The following ZFR2 variants were observed in gnomAD, a reference collection of about 807,000 sequenced individuals.
ZFR2 encodes the protein zinc finger RNA binding protein 2, also known as zinc finger RNA-binding protein 2.
Under a neutral mutation model 105.7 loss-of-function variants are expected in ZFR2, and 104 were observed. The ratio of observed to expected loss-of-function variants is 0.98; its 90% CI spans 0.84 to 1.16. ZFR2 has a LOEUF of 1.16. Among genes scored for constraint, ZFR2 ranks in the 50% most tolerant of loss-of-function variants. ZFR2 has a pLI of 0.00. For synonymous variants in ZFR2, 634 were observed against 597.7 expected (o/e 1.06, Z -0.89); for missense variants, 1,425 against 1,355.5 (o/e 1.05, Z -0.80).
chr19:3,824,773 C>T (rs779877356), intron 7 of ZFR2, among the ~76,000 whole-genome samples: 3 of 152,026 alleles, frequency 2.0e-5, no homozygotes, highest in African/African-American at 4.8e-5. Flanking sequence ...CCTGTCTCTA[C>T]GAAAAATACA....
intron 1 of ZFR2, among the ~76,000 whole-genome samples, chr19:3,841,418 C>G (rs1352650277): frequency 6.6e-6 from 1 of 152,272 alleles, no homozygotes; most frequent in East Asian, 1.9e-4. Context: ...GGTGCGGTGG[C>G]TCACCCCTGT....
chr19:3,852,497 G>T (rs797009121), intron 1 of ZFR2: 2 of 718,500 alleles, frequency 2.8e-6, no homozygotes, highest in African/African-American at 1.7e-5. Flanking sequence ...TGCAGGCAAG[G>T]CCTCTTAAGC....
chr19:3,810,677 G>A (rs1425585797), intron 16 of ZFR2, 73 bp downstream of exon 16: 1 of 1,398,246 alleles, frequency 7.2e-7, no homozygotes, highest in Non-Finnish European at 9.7e-7. Flanking sequence ...CTGTCTCTCA[G>A]CCTGGGCCTG....
chr19:3,827,647 G>T lies in ZFR2; in HGVS notation c.859C>A (p.Arg287=), dbSNP rs761009407. The T allele has an allele frequency of 2.5e-6, 4 of 1,578,224 alleles. No individual in the cohort carries two copies. Among genetic ancestry groups the T allele is most frequent in the Non-Finnish European group, 3.4e-6 (4 of 1,162,436 alleles). The change falls in exon 6 of 19, where the codon CGG becomes AGG. Residue 287 remains arginine, a synonymous_variant. Transcript: ENST00000262961. The stretch of plus-strand genomic sequence containing the variant: ...TGCTTCTGCCCTCCCAGATGTTCCC[G>T]GTAGGTCTGCGGCAAGGGGTGAGAG... ...KISCAGPQTY[R]EHLGGQKHRK... is the part of the protein sequence containing the mutation.
chr19:3,868,899 T>C (rs2038466713), intron 1 of ZFR2, 66 bp downstream of exon 1: 1 of 1,185,358 alleles, frequency 8.4e-7, no homozygotes, highest in Non-Finnish European at 1.1e-6. Flanking sequence ...GGAGAAGGGG[T>C]AGGCGGGGTC....
chr19:3,857,976 G>A (rs370863509), intron 1 of ZFR2, among the ~76,000 whole-genome samples: 2 of 152,132 alleles, frequency 1.3e-5, no homozygotes, highest in East Asian at 1.9e-4. Context: ...AGTCCTGCCC[G>A]GCACTCCCAC....
At chr19:3,868,644 AC>A (rs548174054) in intron 1 of ZFR2, among the ~76,000 whole-genome samples, 3 of 130,336 alleles carry the variant, frequency 2.3e-5, no homozygotes, top group Admixed American at 7.8e-5. Context: ...TCAGGGGCTG[AC>A]CCCCCCGACC....
intron 9 of ZFR2, 116 bp from the exon 10 acceptor site, chr19:3,821,595 T>A: frequency 1.3e-4 from 66 of 496,958 alleles, no homozygotes; most frequent in Middle Eastern, 5.2e-4. Flanking sequence ...CTGAAAAATC[T>A]CCCAAAGCCT....
chr19:3,810,414 G>A (rs985010683), intron 16 of ZFR2, among the ~76,000 whole-genome samples: 23 of 152,236 alleles, frequency 1.5e-4, no homozygotes, highest in Admixed American at 6.5e-5. Flanking sequence ...CCCAGAGGCC[G>A]GTGTGCAGCC....
chr19:3,821,513 A>G (rs766999806), intron 9 of ZFR2, 34 bp from the exon 10 acceptor site: 31 of 1,535,486 alleles, frequency 2.0e-5, no homozygotes, highest in Admixed American at 9.3e-5. Context: ...GAGAGTAGGG[A>G]CCTTGCTTTA....
Position 3,827,519 on chromosome 19 carries a change from G to A in ZFR2, c.987C>T (p.Thr329=), listed in dbSNP as rs568093370. The change falls in exon 6 of 19, where the codon ACC becomes ACT. Residue 329 remains threonine, a synonymous_variant. Coordinates refer to ENST00000262961, the MANE Select transcript of ZFR2 (RefSeq NM_015174.2). ...TGTGGGCCGCGTAGGCGTCCGCCCC[G>A]GTGCAGGACACGGCGCACAGGTCGC... ...LHCDLCAVSC[T]GADAYAAHIR... is the part of the protein sequence containing the mutation. 49 of 1,558,576 alleles carry A rather than the reference G, an allele frequency of 3.1e-5. No individual in the cohort carries two copies. The highest frequency in any genetic ancestry group is 4.7e-5 in the South Asian group (4 of 84,622).
In ZFR2 at chr19:3,813,683, G is replaced by C. The variant is rs1288306255; in HGVS notation, c.2242+137C>G. ...GTGTGACCCATGGAATCCTCAGGGG[G>C]ACAGCAGTGCTGGAGCGTGGCTGCT... On this transcript the variant is annotated intron_variant, in intron 14 of 18. Coordinates refer to ENST00000262961, the MANE Select transcript of ZFR2 (RefSeq NM_015174.2). The surrounding 1 kb of genome is among the most constrained non-coding windows in gnomAD (Gnocchi z 4.4). 3.2e-6 allele frequency: 4 copies of C among 1,249,102 alleles called. No individual in the cohort carries two copies. The highest frequency in any genetic ancestry group is 4.4e-6 in the Non-Finnish European group (4 of 905,036). 77.4% of individuals were successfully genotyped at this position (1,249,102 alleles called of 1,614,324 possible).
At chr19:3,807,302 G>A (rs1162001998) in intron 17 of ZFR2, 33 bp from the exon 18 acceptor site, 10 of 1,491,334 alleles carry the variant, frequency 6.7e-6, no homozygotes, top group East Asian at 2.5e-5. Flanking sequence ...AGCAAAGAAG[G>A]CGAGAATGCC....
chr19:3,841,555 A>G (rs1362372030), intron 1 of ZFR2, among the ~76,000 whole-genome samples: 1 of 151,622 alleles, frequency 6.6e-6, no homozygotes. Flanking sequence ...GGTGTGGTGG[A>G]GCACCTGTAG....
At chr19:3,849,612 C>T (rs750116949) in intron 1 of ZFR2, among the ~76,000 whole-genome samples, 3 of 152,248 alleles carry the variant, frequency 2.0e-5, no homozygotes, top group African/African-American at 4.8e-5. Context: ...AATGCCAGGG[C>T]GTAGCCTTGT....
intron 14 of ZFR2, among the ~76,000 whole-genome samples, chr19:3,812,643 A>G (rs2037778002): frequency 6.6e-6 from 1 of 152,104 alleles, no homozygotes; most frequent in Admixed American, 6.6e-5. Context: ...TTTGTGTCAC[A>G]GCCTTCAGCT....
chr19:3,825,435 G>T, intron 6 of ZFR2, 28 bp from the exon 7 acceptor site: 1 of 1,545,240 alleles, frequency 6.5e-7, no homozygotes, highest in Non-Finnish European at 8.7e-7. Context: ...GGGCTCCCGC[G>T]TGAGGGCCGC....
chr19:3,847,978 CCT>C (rs1292431470), intron 1 of ZFR2, among the ~76,000 whole-genome samples: 1 of 152,174 alleles, frequency 6.6e-6, no homozygotes, highest in African/African-American at 2.4e-5. Context: ...ACCCACAGGC[CCT>C]CTCTTTGGTT....
chr19:3,821,609 T>C (rs1240850958), intron 9 of ZFR2, 130 bp from the exon 10 acceptor site: 1 of 274,688 alleles, frequency 3.6e-6, no homozygotes. Context: ...AAAGCCTTTT[T>C]TTTTTTTTTT....
Sources: gnomAD v4.1 joint callset for allele counts (sites outside exome capture counted in the v4.1 genomes callset) on GRCh38, gnomAD v4.1.1 for gene constraint, Gnocchi (gnomAD v3.1) non-coding constraint, MANE v1.5 for transcripts, NCBI Gene and HGNC (gene_info 2026-07-23, HGNC 2026-07-21) for gene names.